RBFOX1: variants seen among roughly 807,000 people sequenced by gnomAD.
The protein encoded by RBFOX1 is RNA binding protein fox-1 homolog 1.
Under a neutral mutation model 57.7 loss-of-function variants are expected in RBFOX1, and 8 were observed. The ratio of observed to expected loss-of-function variants is 0.14; its 90% confidence interval spans 0.08 to 0.25. RBFOX1 has a LOEUF of 0.25. Among genes scored for constraint, RBFOX1 ranks in the 10% least tolerant of loss-of-function variants. The pLI, the probability that RBFOX1 is intolerant of heterozygous loss-of-function variation, is 1.00. For synonymous variants in RBFOX1, 326 were observed against 222.4 expected (o/e 1.47, Z -4.15); for missense variants, 611 against 548.5 (o/e 1.11, Z -1.14).
intron 1 of RBFOX1, among the ~76,000 whole-genome samples, chr16:6,203,649 T>C (rs992681901): frequency 3.9e-5 from 6 of 152,172 alleles, no homozygotes; most frequent in African/African-American, 1.4e-4. Flanking sequence ...CGCACACTTA[T>C]TGGGAGGGCT....
chr16:6,318,182 T>C (rs2081337952), intron 2 of RBFOX1, among the ~76,000 whole-genome samples: 1 of 152,226 alleles, frequency 6.6e-6, no homozygotes, highest in East Asian at 1.9e-4. Context: ...TACATCAGAA[T>C]GACTTAGCGT....
chr16:7,566,713 C>T (rs955461854), intron 5 of RBFOX1, among the ~76,000 whole-genome samples: 6 of 152,100 alleles, frequency 3.9e-5, no homozygotes, highest in African/African-American at 7.2e-5. Context: ...TTATAAACTA[C>T]GAGTGGCATT....
intron 4 of RBFOX1, among the ~76,000 whole-genome samples, chr16:7,438,441 CAGA>C (rs2098739745): frequency 6.6e-6 from 1 of 151,960 alleles, no homozygotes; most frequent in South Asian, 2.1e-4. Flanking sequence ...CCTGGGAGGG[CAGA>C]AGAAGGTAAT....
chr16:6,917,226 C>T (rs570325687), intron 3 of RBFOX1, among the ~76,000 whole-genome samples: 1 of 152,270 alleles, frequency 6.6e-6, no homozygotes, highest in Non-Finnish European at 1.5e-5. Context: ...TCTCAGTGGC[C>T]ACCTTGGTCC....
chr16:7,425,052 C>G (rs575489380), intron 4 of RBFOX1, among the ~76,000 whole-genome samples: 1 of 152,078 alleles, frequency 6.6e-6, no homozygotes, highest in Admixed American at 6.6e-5. Context: ...TTGTAAATCT[C>G]AGTGTGTTGT....
At position 5,827,486 on chromosome 16, in the gene RBFOX1, C is replaced by G. The variant is rs13333886; in HGVS notation, c.319-39817C>G. On this transcript the variant is annotated intron_variant, in intron 3 of 19. Transcript: ENST00000641259. ...CTACACAGTAGTTGAAGACAACTCT[C>G]TATGCACCCCGAGAACTCCCTCCCT... 1.9e-3 allele frequency among the ~76,000 whole-genome samples: 294 copies of G among 151,950 alleles called. 2 individuals are homozygous for G. Among genetic ancestry groups the G allele is most frequent in the African/African-American group, 5.9e-3 (245 of 41,452 alleles).
intron 2 of RBFOX1, among the ~76,000 whole-genome samples, chr16:5,487,393 G>A (rs1287695426): frequency 6.6e-6 from 1 of 152,176 alleles, no homozygotes; most frequent in African/African-American, 2.4e-5. Flanking sequence ...GGGAACCAAA[G>A]ATGATGTGAG....
chr16:7,164,531 A>C (rs2079034642), intron 4 of RBFOX1, among the ~76,000 whole-genome samples: 1 of 152,172 alleles, frequency 6.6e-6, no homozygotes, highest in Non-Finnish European at 1.5e-5. Flanking sequence ...AAAAATCCAA[A>C]CCAGAAAAGA....
intron 3 of RBFOX1, among the ~76,000 whole-genome samples, chr16:6,755,243 T>C (rs1025904822): frequency 6.6e-6 from 1 of 152,216 alleles, no homozygotes; most frequent in Non-Finnish European, 1.5e-5. Context: ...CTGGGTCAAA[T>C]GGTATTTCTA....
intron 3 of RBFOX1, among the ~76,000 whole-genome samples, chr16:6,678,849 G>C (rs1156249154): frequency 6.6e-6 from 1 of 152,060 alleles, no homozygotes; most frequent in Non-Finnish European, 1.5e-5. Context: ...AGTGAGGCTG[G>C]GTAGATGGGT....
At chr16:7,710,542 T>G in intron 15 of RBFOX1, 81 bp from the exon 16 acceptor site, 3 of 1,586,876 alleles carry the variant, frequency 1.9e-6, no homozygotes, top group Non-Finnish European at 2.6e-6. Flanking sequence ...AGTGTCTATT[T>G]TTCACATTAG....
chr16:7,135,519 G>A (rs919759538), intron 4 of RBFOX1, among the ~76,000 whole-genome samples: 1 of 152,234 alleles, frequency 6.6e-6, no homozygotes, highest in African/African-American at 2.4e-5. Context: ...AGGAAAAAGA[G>A]ACAGAGCAAT....
chr16:5,614,366 C>G (rs1946503577), intron 3 of RBFOX1, among the ~76,000 whole-genome samples: 3 of 152,186 alleles, frequency 2.0e-5, no homozygotes, highest in South Asian at 2.1e-4. Flanking sequence ...ACTTTCATCT[C>G]TGGTTATCCT....
chr16:5,401,826 T>C (rs1305927634), intron 1 of RBFOX1, among the ~76,000 whole-genome samples: 1 of 149,776 alleles, frequency 6.7e-6, no homozygotes, highest in Non-Finnish European at 1.5e-5. Flanking sequence ...CTCGTGCTGC[T>C]GCTTCCTCAT....
At chr16:7,070,138 A>G (rs1038087740) in intron 4 of RBFOX1, among the ~76,000 whole-genome samples, 5 of 152,160 alleles carry the variant, frequency 3.3e-5, no homozygotes, top group African/African-American at 1.2e-4. Flanking sequence ...CGCTGTGCTC[A>G]TGGTGCATTT....
chr16:6,412,361 G>A (rs114858581), intron 2 of RBFOX1, among the ~76,000 whole-genome samples: 190 of 152,200 alleles, frequency 1.2e-3, no homozygotes, highest in African/African-American at 4.4e-3. Flanking sequence ...GGTCAACTTG[G>A]ATTTCAGTCT....
intron 4 of RBFOX1, among the ~76,000 whole-genome samples, chr16:7,102,318 A>T (rs963264208): frequency 2.0e-5 from 3 of 152,192 alleles, no homozygotes; most frequent in Non-Finnish European, 2.9e-5. Flanking sequence ...CCCTTAGCCT[A>T]TATGTGAAGA....
intron 2 of RBFOX1, among the ~76,000 whole-genome samples, chr16:5,553,125 C>T (rs1419616995): frequency 6.6e-6 from 1 of 152,076 alleles, no homozygotes; most frequent in African/African-American, 2.4e-5. Context: ...CATACCCGGG[C>T]CTGTCGAGGG....
At chr16:6,801,237 A>T (rs908821168) in intron 3 of RBFOX1, among the ~76,000 whole-genome samples, 1 of 151,006 alleles carries the variant, frequency 6.6e-6, no homozygotes, top group Non-Finnish European at 1.5e-5. Context: ...CATATCATGT[A>T]TTTTGCCATG....
Sources: gnomAD v4.1 joint callset for allele counts (sites outside exome capture counted in the v4.1 genomes callset) on GRCh38, gnomAD v4.1.1 for gene constraint, MANE v1.5 for transcripts, NCBI Gene and HGNC (gene_info 2026-07-23, HGNC 2026-07-21) for gene names.